The following GPIHBP1 variants were observed in gnomAD, a reference collection of about 807,000 sequenced individuals.
GPIHBP1 encodes the protein glycosylphosphatidylinositol-anchored high density lipoprotein-binding protein 1.
Under a neutral mutation model 13.0 loss-of-function variants are expected in GPIHBP1, and 11 were observed. The ratio of observed to expected loss-of-function variants is 0.84; its 90% CI spans 0.53 to 1.40. The LOEUF (loss-of-function observed/expected upper bound fraction) is 1.40, where lower values mean the gene tolerates loss of function less well. Ranked by LOEUF, GPIHBP1 falls within the 40% of genes most tolerant of loss-of-function variation. GPIHBP1 has a pLI of 0.00. For missense variants in GPIHBP1, 231 were observed against 241.1 expected (o/e 0.96, Z 0.28); for synonymous variants, 106 against 102.2 (o/e 1.04, Z -0.22).
chr8:143,213,947 A>G lies in GPIHBP1; in HGVS notation c.178A>G (p.Arg60Gly). ...CAACAGGCTCCCTGGTGGCAGGAGC[A>G]GAGGTATGGCCGCCCCAACCCCAGA... Reference protein sequence around the residue: ...ETNRLPGGRSRVLLRCYTCKS... With the variant: ...ETNRLPGGRSGVLLRCYTCKS... The change falls in exon 2 of 4, where the codon AGA (arginine) becomes GGA (glycine). Residue 60 changes from arginine (R) to glycine (G), a missense_variant. Arg to Gly is a moderately radical substitution (Grantham distance 125, BLOSUM62 -2). Coordinates refer to ENST00000622500, the MANE Select transcript of GPIHBP1 (RefSeq NM_178172.6). 13 of 1,550,766 alleles carry G rather than the reference A, an allele frequency of 8.4e-6. No individual in the cohort carries two copies. Among genetic ancestry groups the G allele is most frequent in the Non-Finnish European group, 1.0e-5 (12 of 1,146,816 alleles).
chr8:143,213,264 C>G lies in GPIHBP1; in HGVS notation c.-4C>G. On this transcript the variant is annotated 5_prime_UTR_variant, in exon 1 of 4. Coordinates refer to ENST00000622500, the MANE Select transcript of GPIHBP1 (RefSeq NM_178172.6). ...GAGTCAGGGACACAGCAGCGTCCGG[C>G]GAGATGAAGGCGCTCGGGGCTGTCC... 6.3e-7 allele frequency: 1 copy of G among 1,593,632 alleles called. No homozygotes were observed. The highest frequency in any genetic ancestry group is 8.5e-7 in the Non-Finnish European group (1 of 1,174,174).
At chr8:143,213,369 T>C in intron 1 of GPIHBP1, 50 bp downstream of exon 1, 2 of 1,479,842 alleles carry the variant, frequency 1.4e-6, no homozygotes, top group Non-Finnish European at 1.8e-6. Flanking sequence ...ACAGCAGTCC[T>C]GGAGCACAGG....
chr8:143,215,011 A>G lies in GPIHBP1; in HGVS notation c.182-2A>G. The G allele has an allele frequency of 6.4e-7, 1 of 1,563,110 alleles. No homozygotes were observed. The highest frequency in any genetic ancestry group is 8.7e-7 in the Non-Finnish European group (1 of 1,153,364). On this transcript the variant is annotated splice_acceptor_variant, in intron 2 of 3. Coordinates refer to ENST00000622500, the MANE Select transcript of GPIHBP1 (RefSeq NM_178172.6). LOFTEE classifies it high-confidence loss of function. Reference sequence around the variant, plus strand: ...CTCGGCCTGAGCCCGCCTTGTCCCCAGTGCTGCTGCGGTGCTACACCTGCA... The same window carrying G: ...CTCGGCCTGAGCCCGCCTTGTCCCCGGTGCTGCTGCGGTGCTACACCTGCA...
In GPIHBP1 at chr8:143,214,979, G is replaced by C. The variant is rs1430701923; in HGVS notation, c.182-34G>C. 4.9e-6 allele frequency: 7 copies of C among 1,438,688 alleles called. No homozygotes were observed. The Middle Eastern group carries it at 7.4e-4, about 153-fold the overall frequency. The allele number at this position is 1,438,688 out of a possible 1,614,324, so 89.1% of individuals were successfully genotyped here. A position where few individuals can be genotyped will look rare whatever the true frequency, so the allele number is the denominator to read the frequency against. On this transcript the variant is annotated intron_variant, in intron 2 of 3. Transcript: ENST00000622500. The surrounding 1 kb of genome is among the most constrained non-coding windows in gnomAD (Gnocchi z 4.1). ...GGGACGTGGGAGGAGACCCTGGGGGGCCCGGCCTCGGCCTGAGCCCGCCTT... is the reference window on the plus strand; with the variant it reads ...GGGACGTGGGAGGAGACCCTGGGGGCCCCGGCCTCGGCCTGAGCCCGCCTT...
rs111633453 is a variant in GPIHBP1 at position 143,216,110 on chromosome 8, G to A, written c.*592G>A. ...CCACATGCGGAGGGGCGGGGCGGGG[G>A]GGGGCTGGGGGGACAGGCACCAAGT... On this transcript the variant is annotated 3_prime_UTR_variant, in exon 4 of 4. Transcript: ENST00000622500. 6.9e-6 allele frequency: 1 copy of A among 145,208 alleles called. No homozygotes were observed. Among genetic ancestry groups the A allele is most frequent in the Non-Finnish European group, 1.5e-5 (1 of 66,396 alleles). The allele number at this position is 145,208 out of a possible 1,614,324, so 9.0% of individuals were successfully genotyped here. A position where few individuals can be genotyped will look rare whatever the true frequency, so the allele number is the denominator to read the frequency against.
At position 143,214,559 on chromosome 8, in the gene GPIHBP1, G is replaced by A. The variant is rs1352116834; in HGVS notation, c.182-454G>A. Among the ~76,000 whole-genome samples, 1 of 140,938 alleles carries A rather than the reference G, an allele frequency of 7.1e-6. No homozygotes were observed. The highest frequency in any genetic ancestry group is 1.5e-5 in the Non-Finnish European group (1 of 67,860). The allele number at this position is 140,938 out of a possible 152,430, so 92.5% of individuals were successfully genotyped here. A position where few individuals can be genotyped will look rare whatever the true frequency, so the allele number is the denominator to read the frequency against. ...CCACACACAGCCCCTCCCTAGCCAGGGCCCCCAGCATGCCCCACCACACAC... is the reference window on the plus strand; with the variant it reads ...CCACACACAGCCCCTCCCTAGCCAGAGCCCCCAGCATGCCCCACCACACAC... On this transcript the variant is annotated intron_variant, in intron 2 of 3. Transcript: ENST00000622500. This position sits in a 1 kb window ranked among gnomAD's most constrained non-coding sequence, Gnocchi z 4.1.
At position 143,214,092 on chromosome 8, in the gene GPIHBP1, A is replaced by G; in HGVS notation, c.181+142A>G. On this transcript the variant is annotated intron_variant, in intron 2 of 3. Transcript: ENST00000622500. This position sits in a 1 kb window ranked among gnomAD's most constrained non-coding sequence, Gnocchi z 4.1. ...GTGGGGGACACTCAGTACACCCCTC[A>G]CTGCTGCTCACCATGACACTCAGTT... 1 of 1,087,818 alleles carries G rather than the reference A, an allele frequency of 9.2e-7. No individual in the cohort carries two copies. The highest frequency in any genetic ancestry group is 1.4e-6 in the Non-Finnish European group (1 of 738,732). The allele number at this position is 1,087,818 out of a possible 1,614,324, so 67.4% of individuals were successfully genotyped here. A position where few individuals can be genotyped will look rare whatever the true frequency, so the allele number is the denominator to read the frequency against.
rs564622687 is a variant in GPIHBP1, at chr8:143,215,438, G to A, written c.475G>A (p.Gly159Ser). ...PTGKGAGGPRGSSETVGAALL... is the reference protein window; with the variant it reads ...PTGKGAGGPRSSSETVGAALL... ...AGGCAAGGGGGCAGGCGGCCCCCGGGGCAGCTCCGAAACTGTGGGCGCAGC... is the reference window on the plus strand; with the variant it reads ...AGGCAAGGGGGCAGGCGGCCCCCGGAGCAGCTCCGAAACTGTGGGCGCAGC... The change falls in exon 4 of 4, where the codon GGC becomes AGC. Residue 159 changes from glycine to serine, a missense_variant. Physicochemically the swap from Gly to Ser is moderately conservative, Grantham distance 56 (BLOSUM62 0). Coordinates refer to ENST00000622500, the MANE Select transcript of GPIHBP1 (RefSeq NM_178172.6). The A allele has an allele frequency of 7.1e-5, 114 of 1,612,554 alleles. No individual in the cohort carries two copies. The highest frequency in any genetic ancestry group is 8.6e-5 in the Non-Finnish European group (101 of 1,179,916).
Position 143,215,540 on chromosome 8 carries a change from C to G in GPIHBP1, c.*22C>G, listed in dbSNP as rs1169158800. 6.5e-7 allele frequency: 1 copy of G among 1,529,796 alleles called. No individual in the cohort carries two copies. Among genetic ancestry groups the G allele is most frequent in the Non-Finnish European group, 8.8e-7 (1 of 1,137,866 alleles). 94.8% of individuals were successfully genotyped at this position (1,529,796 alleles called of 1,614,324 possible). The stretch of plus-strand genomic sequence containing the variant: ...CTGACCCACGGCCCCTCCCCACCCC[C>G]ACCCGGCTCACCCCCGGCCCTGCCA... On this transcript the variant is annotated 3_prime_UTR_variant, in exon 4 of 4. Coordinates refer to ENST00000622500, the MANE Select transcript of GPIHBP1 (RefSeq NM_178172.6).
chr8:143,215,517 G>A lies in GPIHBP1; in HGVS notation c.554G>A (p.Ter185=), dbSNP rs371930918. The A allele has an allele frequency of 5.9e-5, 93 of 1,586,530 alleles. No individual in the cohort carries two copies. The African/African-American group carries it at 1.1e-3, about 19-fold the overall frequency. ...GGAGCAATGGGGGCCAGGAGACCCT[G>A]ACCCACGGCCCCTCCCCACCCCCAC... ...GLGAMGARRP[*] The change falls in exon 4 of 4, where the codon TGA becomes TAA. Residue 185 remains the stop codon, a stop_retained_variant. Coordinates refer to ENST00000622500, the MANE Select transcript of GPIHBP1 (RefSeq NM_178172.6).
In GPIHBP1 at chr8:143,213,881, TACG is replaced by T. The variant is rs1816259770; in HGVS notation, c.117_119del (p.Asp39del). 3 of 1,552,882 alleles carry T rather than the reference TACG, an allele frequency of 1.9e-6. No homozygotes were observed. In the East Asian group the frequency reaches 7.3e-5, roughly 38 times the overall value. ...GGACGAGGACCACGGGCCAGATGACTACGACGAGGAAGATGAGGATGAGGTGGA... is the reference window on the plus strand; with the variant it reads ...GGACGAGGACCACGGGCCAGATGACTACGAGGAAGATGAGGATGAGGTGGA... On this transcript the variant is annotated inframe_deletion, in exon 2 of 4. Transcript: ENST00000622500.
Position 143,215,605 on chromosome 8 carries a change from G to C in GPIHBP1, c.*87G>C. 8.6e-7 allele frequency: 1 copy of C among 1,160,142 alleles called. No homozygotes were observed. Among genetic ancestry groups the C allele is most frequent in the South Asian group, 1.5e-5 (1 of 66,586 alleles). 71.9% of individuals were successfully genotyped at this position (1,160,142 alleles called of 1,614,324 possible). A position where few individuals can be genotyped will look rare whatever the true frequency, so the allele number is the denominator to read the frequency against. ...ACCTTCCCCTCCTGCCCCTGCACCA[G>C]CTTTGGAGAATGGATTTGGAGTGTC... is the stretch of plus-strand genomic sequence containing the variant. On this transcript the variant is annotated 3_prime_UTR_variant, in exon 4 of 4. Coordinates refer to ENST00000622500, the MANE Select transcript of GPIHBP1 (RefSeq NM_178172.6).
chr8:143,216,619 G>C lies in GPIHBP1; in HGVS notation c.*1101G>C, dbSNP rs1206667295. 1 of 152,262 alleles carries C rather than the reference G, an allele frequency of 6.6e-6. No individual in the cohort carries two copies. Among genetic ancestry groups the C allele is most frequent in the Non-Finnish European group, 1.5e-5 (1 of 68,108 alleles). The allele number at this position is 152,262 out of a possible 1,614,324, so 9.4% of individuals were successfully genotyped here. On this transcript the variant is annotated 3_prime_UTR_variant, in exon 4 of 4. Transcript: ENST00000622500. ...TGGCCCATTACAGGGGGGTCCCCAG[G>C]GTGTCCTCTGGCAGGGCTGTGACTG...
At position 143,214,477 on chromosome 8, in the gene GPIHBP1, C is replaced by T. The variant is rs75794120; in HGVS notation, c.181+527C>T. Among the ~76,000 whole-genome samples the T allele has an allele frequency of 0.093, 14,214 of 152,038 alleles. 854 individuals carry two copies. The highest frequency in any genetic ancestry group is 0.13 in the South Asian group (602 of 4,808). On this transcript the variant is annotated intron_variant, in intron 2 of 3. Transcript: ENST00000622500. The surrounding 1 kb of genome is among the most constrained non-coding windows in gnomAD (Gnocchi z 4.1). ...CCATCCCGAGAAAAGCAGAGCAAAT[C>T]GCCGCATCCAACCCGAGGGCCGGCC...
Position 143,215,357 on chromosome 8 carries a change from C to A in GPIHBP1, c.394C>A (p.Gln132Lys). ...GACCCAGGTGACCATGACCTGCTGCCAGTCCAGCCTGTGCAATGTCCCACC... is the reference window on the plus strand; with the variant it reads ...GACCCAGGTGACCATGACCTGCTGCAAGTCCAGCCTGTGCAATGTCCCACC... Reference protein sequence around the residue: ...EGTQVTMTCCQSSLCNVPPWQ... With the variant: ...EGTQVTMTCCKSSLCNVPPWQ... Residue 132 changes from glutamine (Q) to lysine (K), a missense_variant, in exon 4 of 4, where the codon CAG (glutamine) becomes AAG (lysine). By Grantham distance (53) the Gln-to-Lys change is moderately conservative. Transcript: ENST00000622500. 6.2e-7 allele frequency: 1 copy of A among 1,612,918 alleles called. No individual in the cohort carries two copies. The highest frequency in any genetic ancestry group is 1.1e-5 in the South Asian group (1 of 91,090).
At position 143,213,947 on chromosome 8, in the gene GPIHBP1, A is replaced by C; in HGVS notation, c.178A>C (p.Arg60=). 1 of 1,550,766 alleles carries C rather than the reference A, an allele frequency of 6.4e-7. No individual in the cohort carries two copies. The highest frequency in any genetic ancestry group is 8.7e-7 in the Non-Finnish European group (1 of 1,146,816). Residue 60 remains arginine, a synonymous_variant, in exon 2 of 4, where the codon AGA becomes CGA. Transcript: ENST00000622500. ...CAACAGGCTCCCTGGTGGCAGGAGC[A>C]GAGGTATGGCCGCCCCAACCCCAGA... The part of the protein sequence containing the change: ...ETNRLPGGRS[R]VLLRCYTCKS...
At position 143,214,904 on chromosome 8, in the gene GPIHBP1, G is replaced by A; in HGVS notation, c.182-109G>A. ...CCCATCTGAGCAGTGGGTGCTGGAG[G>A]CTCACCAGGCTAGGCTTTGGGAGCA... On this transcript the variant is annotated intron_variant, in intron 2 of 3. Coordinates refer to ENST00000622500, the MANE Select transcript of GPIHBP1 (RefSeq NM_178172.6). The surrounding 1 kb of genome is among the most constrained non-coding windows in gnomAD (Gnocchi z 4.1). The A allele has an allele frequency of 1.3e-6, 1 of 756,420 alleles. No individual in the cohort carries two copies. The highest frequency in any genetic ancestry group is 2.2e-6 in the Non-Finnish European group (1 of 446,810). The allele number at this position is 756,420 out of a possible 1,614,324, so 46.9% of individuals were successfully genotyped here.
chr8:143,214,919 C>G lies in GPIHBP1; in HGVS notation c.182-94C>G. The G allele has an allele frequency of 1.1e-6, 1 of 879,046 alleles. No homozygotes were observed. The highest frequency in any genetic ancestry group is 1.5e-5 in the South Asian group (1 of 65,792). The allele number at this position is 879,046 out of a possible 1,614,324, so 54.5% of individuals were successfully genotyped here. A position where few individuals can be genotyped will look rare whatever the true frequency, so the allele number is the denominator to read the frequency against. ...GGTGCTGGAGGCTCACCAGGCTAGG[C>G]TTTGGGAGCACAGCTGAGAACGGGG... On this transcript the variant is annotated intron_variant, in intron 2 of 3. Coordinates refer to ENST00000622500, the MANE Select transcript of GPIHBP1 (RefSeq NM_178172.6). The surrounding 1 kb of genome is among the most constrained non-coding windows in gnomAD (Gnocchi z 4.1).
chr8:143,214,403 C>T lies in GPIHBP1; in HGVS notation c.181+453C>T, dbSNP rs151149977. ...AGTAGGGCTAAGAAGAGCCCACCCTCACTGCCCACCTGACACACCCCTACA... is the reference window on the plus strand; with the variant it reads ...AGTAGGGCTAAGAAGAGCCCACCCTTACTGCCCACCTGACACACCCCTACA... On this transcript the variant is annotated intron_variant, in intron 2 of 3. Coordinates refer to ENST00000622500, the MANE Select transcript of GPIHBP1 (RefSeq NM_178172.6). This position sits in a 1 kb window ranked among gnomAD's most constrained non-coding sequence, Gnocchi z 4.1. Among the ~76,000 whole-genome samples, 2 of 152,178 alleles carry T rather than the reference C, an allele frequency of 1.3e-5. No individual in the cohort carries two copies. The highest frequency in any genetic ancestry group is 3.9e-4 in the East Asian group (2 of 5,154).
Sources: gnomAD v4.1 joint callset for allele counts (sites outside exome capture counted in the v4.1 genomes callset) on GRCh38, gnomAD v4.1.1 for gene constraint, Gnocchi (gnomAD v3.1) non-coding constraint, MANE v1.5 for transcripts, NCBI Gene and HGNC (gene_info 2026-07-23, HGNC 2026-07-21) for gene names.